The following ZRANB3 variants were observed in gnomAD, a reference collection of about 807,000 sequenced individuals.
ZRANB3 encodes the protein DNA annealing helicase and endonuclease ZRANB3.
In ZRANB3, 125 loss-of-function variants were observed where a neutral mutation model predicts 133.8. That is an observed-to-expected ratio of 0.93 (90% CI 0.81 to 1.08). The LOEUF is 1.08. Ranked by LOEUF, ZRANB3 falls within the 50% of genes least tolerant of loss-of-function variation. ZRANB3 has a pLI of 0.00. For missense variants in ZRANB3, 1,229 were observed against 1,275.5 expected, an observed-to-expected ratio of 0.96 and a Z score of 0.56; for synonymous variants, 387 against 432.7, an observed-to-expected ratio of 0.89 and a Z score of 1.31.
chr2:135,498,709 C>T (rs1455176049), intron 2 of ZRANB3, among the ~76,000 whole-genome samples: 1 of 152,116 alleles, frequency 6.6e-6, no homozygotes, highest in East Asian at 1.9e-4. Flanking sequence ...AGGAACATCC[C>T]TGAGAAAGAG....
chr2:135,489,633 TA>T lies in ZRANB3; in HGVS notation c.161+14695del, dbSNP rs995132873. Among the ~76,000 whole-genome samples the T allele has an allele frequency of 4.7e-5, 7 of 147,840 alleles. No individual in the cohort carries two copies. In the East Asian group the frequency reaches 6.0e-4, roughly 13 times the overall value. On this transcript the variant is annotated intron_variant, in intron 2 of 20. Coordinates refer to ENST00000264159, the MANE Select transcript of ZRANB3 (RefSeq NM_032143.4). ...AATGTGAACTTACAGGTCAGAGAAATAAAAAAAATACATAAATAAACAAAAC... is the reference window on the plus strand; with the variant it reads ...AATGTGAACTTACAGGTCAGAGAAATAAAAAAATACATAAATAAACAAAAC...
rs566334496 is a variant in ZRANB3, at chr2:135,244,107, CA to C, written c.1540-13181del. On this transcript the variant is annotated intron_variant, in intron 12 of 20. Transcript: ENST00000264159. ...ATGACTTATGTCTCCATTTCCCCAC[CA>C]AAAAAAAAAAAAAAAAATTTGCAAC... Among the ~76,000 whole-genome samples the C allele has an allele frequency of 7.1e-3, 860 of 121,460 alleles. 2 individuals are homozygous for C. The highest frequency in any genetic ancestry group is 0.018 in the Middle Eastern group (4 of 222). 79.7% of individuals were successfully genotyped at this position (121,460 alleles called of 152,430 possible). A position where few individuals can be genotyped will look rare whatever the true frequency, so the allele number is the denominator to read the frequency against.
chr2:135,439,960 G>C (rs1689708285), intron 2 of ZRANB3, among the ~76,000 whole-genome samples: 1 of 152,058 alleles, frequency 6.6e-6, no homozygotes, highest in South Asian at 2.1e-4. Context: ...TTATATTCTA[G>C]AACCATAATT....
At position 135,504,231 on chromosome 2, in the gene ZRANB3, A is replaced by G. The variant is rs186266586; in HGVS notation, c.161+98T>C. On this transcript the variant is annotated intron_variant, in intron 2 of 20. Coordinates refer to ENST00000264159, the MANE Select transcript of ZRANB3 (RefSeq NM_032143.4). ...GGTCACAATCAATTCTACTAAAGAA[A>G]GACTGTGAATACACGAAAAGAAAGT... is the stretch of plus-strand genomic sequence containing the variant. 1,990 of 1,389,016 alleles carry G rather than the reference A, an allele frequency of 1.4e-3. 4 individuals carry two copies. Among genetic ancestry groups the G allele is most frequent in the South Asian group, 2.5e-3 (207 of 83,742 alleles). 86.0% of individuals were successfully genotyped at this position (1,389,016 alleles called of 1,614,324 possible).
intron 2 of ZRANB3, among the ~76,000 whole-genome samples, chr2:135,399,495 G>A (rs1687644902): frequency 6.6e-6 from 1 of 152,164 alleles, no homozygotes; most frequent in Non-Finnish European, 1.5e-5. Context: ...GAATGAGGGT[G>A]AACACATATA....
chr2:135,349,984 C>G lies in ZRANB3; in HGVS notation c.591G>C (p.Glu197Asp). The G allele has an allele frequency of 6.2e-7, 1 of 1,612,720 alleles. No individual in the cohort carries two copies. Among genetic ancestry groups the G allele is most frequent in the Non-Finnish European group, 8.5e-7 (1 of 1,179,316 alleles). Residue 197 changes from glutamate to aspartate, a missense_variant and splice_region_variant, in exon 5 of 21, where the codon GAG (glutamate) becomes GAC (aspartate). Coordinates refer to ENST00000264159, the MANE Select transcript of ZRANB3 (RefSeq NM_032143.4). Reference protein sequence around the residue: ...TGTPALGRPEELFMQIEALFP... With the variant: ...TGTPALGRPEDLFMQIEALFP... Reference sequence around the variant, plus strand: ...GTTCGAAGTATAAGGATTGTAATACCTCTTCAGGCCTTCCTAAAGCTGGTG... The same window carrying G: ...GTTCGAAGTATAAGGATTGTAATACGTCTTCAGGCCTTCCTAAAGCTGGTG...
intron 7 of ZRANB3, among the ~76,000 whole-genome samples, chr2:135,313,913 G>C (rs774027498): frequency 6.6e-5 from 10 of 152,126 alleles, no homozygotes; most frequent in Non-Finnish European, 1.5e-4. Context: ...TGCCCAGGCT[G>C]GAGTGCAATC....
chr2:135,341,485 C>T (rs957721097), intron 6 of ZRANB3, among the ~76,000 whole-genome samples: 2 of 149,908 alleles, frequency 1.3e-5, no homozygotes, highest in African/African-American at 2.5e-5. Context: ...ATTATCTGCA[C>T]AAATTGTTTG....
chr2:135,322,789 G>A (rs921193438), intron 6 of ZRANB3, among the ~76,000 whole-genome samples: 45 of 152,232 alleles, frequency 3.0e-4, no homozygotes, highest in African/African-American at 1.1e-3. Context: ...GGCCGAGGCA[G>A]GTGGATCACC....
intron 12 of ZRANB3, among the ~76,000 whole-genome samples, chr2:135,257,762 T>C (rs888214252): frequency 1.3e-5 from 2 of 152,238 alleles, no homozygotes; most frequent in Admixed American, 6.5e-5. Flanking sequence ...AGTTTTTCAA[T>C]GTTGTATTCA....
chr2:135,512,404 C>A (rs1574233628), intron 1 of ZRANB3, among the ~76,000 whole-genome samples: 1 of 150,652 alleles, frequency 6.6e-6, no homozygotes, highest in Admixed American at 6.6e-5. Context: ...AATGGCGGGT[C>A]AGGACAACTA....
At chr2:135,285,912 C>CTTTGT (rs1681338267) in intron 8 of ZRANB3, among the ~76,000 whole-genome samples, 1 of 152,060 alleles carries the variant, frequency 6.6e-6, no homozygotes, top group Non-Finnish European at 1.5e-5. Context: ...TCTCAACATA[C>CTTTGT]ATTACAAAGC....
chr2:135,373,184 AATTC>A (rs1038463512), intron 3 of ZRANB3, among the ~76,000 whole-genome samples: 16 of 152,300 alleles, frequency 1.1e-4, no homozygotes, highest in African/African-American at 3.6e-4. Flanking sequence ...AATTAATAAA[AATTC>A]ATTCATTTGT....
rs1287605795 is a variant in ZRANB3 at position 135,228,017 on chromosome 2, T to C, written c.1955-2A>G. 1 of 1,512,044 alleles carries C rather than the reference T, an allele frequency of 6.6e-7. No individual in the cohort carries two copies. The highest frequency in any genetic ancestry group is 8.8e-7 in the Non-Finnish European group (1 of 1,131,724). The allele number at this position is 1,512,044 out of a possible 1,614,324, so 93.7% of individuals were successfully genotyped here. ...GGTTGAGGCTATCTATTTGCATAAC[T>C]ATTAAAATAAAAATTATTACAAAAA... On this transcript the variant is annotated splice_acceptor_variant, in intron 13 of 20. Coordinates refer to ENST00000264159, the MANE Select transcript of ZRANB3 (RefSeq NM_032143.4). LOFTEE classifies it high-confidence loss of function.
At chr2:135,394,876 T>C (rs939904159) in intron 2 of ZRANB3, among the ~76,000 whole-genome samples, 1 of 149,742 alleles carries the variant, frequency 6.7e-6, no homozygotes, top group South Asian at 2.1e-4. Flanking sequence ...CCGAAGTGCT[T>C]TGGGAGGCTG....
At chr2:135,530,346 A>C (rs974267727) in intron 1 of ZRANB3, among the ~76,000 whole-genome samples, 1 of 152,162 alleles carries the variant, frequency 6.6e-6, no homozygotes, top group Non-Finnish European at 1.5e-5. Context: ...TCTAATAGCG[A>C]GCAGGCCGAG....
chr2:135,424,648 A>G (rs188644909), intron 2 of ZRANB3, among the ~76,000 whole-genome samples: 73 of 152,308 alleles, frequency 4.8e-4, no homozygotes, highest in Non-Finnish European at 7.6e-4. Flanking sequence ...CAAGTGTATC[A>G]CTTGAAACTG....
chr2:135,500,324 T>TAAGAACATTCATATCATTAC (rs932190585), intron 2 of ZRANB3, among the ~76,000 whole-genome samples: 2 of 152,168 alleles, frequency 1.3e-5, no homozygotes, highest in African/African-American at 4.8e-5. Flanking sequence ...AAGATTTGTA[T>TAAGAACATTCATATCATTAC]AAGAACATTC....
chr2:135,512,614 T>G (rs1693514297), intron 1 of ZRANB3, among the ~76,000 whole-genome samples: 1 of 151,702 alleles, frequency 6.6e-6, no homozygotes, highest in Non-Finnish European at 1.5e-5. Flanking sequence ...ATAGGAGGAT[T>G]CATAAACACT....
Sources: allele counts gnomAD v4.1 joint callset (sites outside exome capture counted in the v4.1 genomes callset), GRCh38; gene constraint gnomAD v4.1.1; transcripts MANE v1.5; gene names NCBI Gene and HGNC (gene_info 2026-07-23, HGNC 2026-07-21).